Variants in ITGA1 observed in about 807,000 individuals in gnomAD.
ITGA1 encodes integrin alpha-1.
In ITGA1, 85 loss-of-function variants were observed where a neutral mutation model predicts 145.9. The ratio of observed to expected loss-of-function variants is 0.58; its 90% CI spans 0.49 to 0.70. The LOEUF is 0.70. Ranked by LOEUF, ITGA1 falls within the 30% of genes least tolerant of loss-of-function variation. The probability of loss-of-function intolerance (pLI) is 0.00; values close to 1 mark genes in which losing one functional copy is unlikely to be tolerated. For synonymous variants in ITGA1, 520 were observed against 495.3 expected (o/e 1.05, Z -0.66); for missense variants, 1,351 against 1,418.7 (o/e 0.95, Z 0.77).
chr5:52,871,247 C>T, intron 6 of ITGA1, among the ~76,000 whole-genome samples: 1 of 151,964 alleles, frequency 6.6e-6, no homozygotes, highest in East Asian at 1.9e-4. Flanking sequence ...CCTACAAATA[C>T]AGCAATTTCA....
intron 23 of ITGA1, among the ~76,000 whole-genome samples, chr5:52,936,954 G>GC (rs1473279204): frequency 6.6e-6 from 1 of 151,820 alleles, no homozygotes; most frequent in Non-Finnish European, 1.5e-5. Context: ...TGATTTATGG[G>GC]TTTAAGGAAT....
intron 1 of ITGA1, among the ~76,000 whole-genome samples, chr5:52,834,560 G>GAAAGAGAGAAGAAAGAA (rs1554042403): frequency 3.4e-4 from 44 of 130,690 alleles, no homozygotes; most frequent in African/African-American, 9.1e-4. Context: ...GAAAGAGAGA[G>GAAAGAGAGAAGAAAGAA]AGAAAGAGAG....
chr5:52,875,886 G>GT lies in ITGA1; in HGVS notation c.625-5977dup, dbSNP rs370408882. Among the ~76,000 whole-genome samples the GT allele has an allele frequency of 6.1e-3, 910 of 148,872 alleles. 8 individuals are homozygous for GT. The highest frequency in any genetic ancestry group is 0.019 in the African/African-American group (754 of 40,642). On this transcript the variant is annotated intron_variant, in intron 6 of 28. Coordinates refer to ENST00000282588, the MANE Select transcript of ITGA1 (RefSeq NM_181501.2). ...TTCAAGTCAAATATTAGGATTACTG[G>GT]TTTTTTTTTTCCTTTTTCCTCTCAA...
At chr5:52,838,248 A>G (rs1056155466) in intron 1 of ITGA1, among the ~76,000 whole-genome samples, 1 of 152,216 alleles carries the variant, frequency 6.6e-6, no homozygotes, top group Non-Finnish European at 1.5e-5. Flanking sequence ...TTTAAGTGGC[A>G]GTGTATGATT....
At chr5:52,893,918 T>A in intron 9 of ITGA1, 78 bp downstream of exon 9, 1 of 1,073,316 alleles carries the variant, frequency 9.3e-7, no homozygotes, top group African/African-American at 1.6e-5. Flanking sequence ...TATTTATTCC[T>A]AATACATCAG....
At chr5:52,836,690 G>C (rs1342596597) in intron 1 of ITGA1, among the ~76,000 whole-genome samples, 1 of 152,012 alleles carries the variant, frequency 6.6e-6, no homozygotes, top group Non-Finnish European at 1.5e-5. Flanking sequence ...CAATGTGGCT[G>C]AAAGTATTAA....
chr5:52,808,676 C>CTTTTTTTTTTTTTTTTTTTTTTTTTT (rs60113844), intron 1 of ITGA1, among the ~76,000 whole-genome samples: 20 of 69,336 alleles, frequency 2.9e-4, no homozygotes, highest in Non-Finnish European at 3.6e-4. Flanking sequence ...TTCTTTCTTT[C>CTTTTTTTTTTTTTTTTTTTTTTTTTT]TTTTTTTTTT....
intron 11 of ITGA1, chr5:52,904,780 G>A (rs1454899740): frequency 2.0e-5 from 3 of 151,170 alleles, no homozygotes; most frequent in African/African-American, 7.3e-5. Flanking sequence ...GTGAACCCGG[G>A]AGGCGGAGCT....
intron 6 of ITGA1, among the ~76,000 whole-genome samples, chr5:52,871,637 G>GGGGA (rs1749777746): frequency 6.6e-6 from 1 of 151,008 alleles, no homozygotes; most frequent in South Asian, 2.1e-4. Flanking sequence ...AAAGGAAAGG[G>GGGGA]GGAAGGAAGG....
intron 12 of ITGA1, among the ~76,000 whole-genome samples, chr5:52,907,939 A>G (rs2111845383): frequency 6.6e-6 from 1 of 152,370 alleles, no homozygotes; most frequent in East Asian, 1.9e-4. Flanking sequence ...TCTTTTGCCC[A>G]CATGCCTAGA....
At chr5:52,843,534 C>T (rs751402524) in intron 1 of ITGA1, among the ~76,000 whole-genome samples, 39 of 152,260 alleles carry the variant, frequency 2.6e-4, no homozygotes, top group Non-Finnish European at 4.9e-4. Context: ...TACAGTAATA[C>T]TCCTTGGAAC....
chr5:52,863,357 C>A (rs938727584), intron 3 of ITGA1, among the ~76,000 whole-genome samples: 2 of 151,982 alleles, frequency 1.3e-5, no homozygotes, highest in African/African-American at 2.4e-5. Flanking sequence ...ATACTACTCT[C>A]CTCCTCATTT....
intron 1 of ITGA1, among the ~76,000 whole-genome samples, chr5:52,813,737 C>T (rs188415658): frequency 6.6e-5 from 10 of 152,314 alleles, no homozygotes; most frequent in African/African-American, 2.2e-4. Context: ...AGCAGGATAA[C>T]GGACTATTCT....
intron 8 of ITGA1, among the ~76,000 whole-genome samples, chr5:52,888,525 G>A (rs778677769): frequency 2.6e-5 from 4 of 152,220 alleles, no homozygotes; most frequent in South Asian, 2.1e-4. Flanking sequence ...AACTTCTGAC[G>A]TTTGACACTT....
intron 14 of ITGA1, among the ~76,000 whole-genome samples, chr5:52,914,278 T>C (rs1389082052): frequency 1.3e-5 from 2 of 152,292 alleles, no homozygotes; most frequent in East Asian, 3.9e-4. Context: ...ATGTATGGGA[T>C]AATCCAGAAT....
intron 20 of ITGA1, among the ~76,000 whole-genome samples, chr5:52,929,229 C>T (rs1750860440): frequency 6.6e-6 from 1 of 152,116 alleles, no homozygotes; most frequent in South Asian, 2.1e-4. Context: ...CTTTTCAATG[C>T]ATCCTGAGAT....
At chr5:52,940,153 C>T (rs551961846) in intron 26 of ITGA1, among the ~76,000 whole-genome samples, 1 of 152,306 alleles carries the variant, frequency 6.6e-6, no homozygotes, top group South Asian at 2.1e-4. Flanking sequence ...CCAAGGTCCC[C>T]TCTGGAGAGA....
At chr5:52,937,049 A>T (rs1434271474) in intron 23 of ITGA1, among the ~76,000 whole-genome samples, 3 of 104,606 alleles carry the variant, frequency 2.9e-5, no homozygotes, top group Non-Finnish European at 5.2e-5. Context: ...CTGGTATGTT[A>T]AAAAAAAAAA....
chr5:52,952,251 A>G (rs1751233387), intron 28 of ITGA1, among the ~76,000 whole-genome samples, 156 bp from the exon 29 acceptor site: 2 of 152,092 alleles, frequency 1.3e-5, no homozygotes, highest in South Asian at 2.1e-4. Flanking sequence ...TTTGACATTG[A>G]ATATTAATAG....
Sources: allele counts gnomAD v4.1 joint callset (sites outside exome capture counted in the v4.1 genomes callset), GRCh38; gene constraint gnomAD v4.1.1; transcripts MANE v1.5; gene names NCBI Gene and HGNC (gene_info 2026-07-23, HGNC 2026-07-21).